TLK2: variants seen among roughly 807,000 people sequenced by gnomAD.
TLK2 encodes serine/threonine-protein kinase tousled-like 2.
TLK2 carries 6 observed loss-of-function variants against 117.3 expected under a neutral mutation model. The observed-to-expected ratio is 0.05, with a 90% CI of 0.03 to 0.10. The LOEUF (loss-of-function observed/expected upper bound fraction) is 0.10. Ranked by LOEUF, TLK2 falls within the 10% of genes least tolerant of loss-of-function variation. The pLI is 1.00. For synonymous variants in TLK2, 257 were observed against 316.7 expected (o/e 0.81, Z 2.00); for missense variants, 299 against 901.2 (o/e 0.33, Z 8.56).
At chr17:62,534,902 T>TTC (rs1344424266) in intron 6 of TLK2, among the ~76,000 whole-genome samples, 1 of 146,012 alleles carries the variant, frequency 6.8e-6, no homozygotes, top group Non-Finnish European at 1.5e-5. Flanking sequence ...TTTTTTTTTT[T>TTC]TTTGGAGATA....
chr17:62,476,373 G>A (rs541314077), upstream of TLK2, among the ~76,000 whole-genome samples: 1 of 151,952 alleles, frequency 6.6e-6, no homozygotes, highest in Admixed American at 6.5e-5. Flanking sequence ...CACGAGGTCA[G>A]GAGTTCGAGA....
At chr17:62,485,117 A>T (rs551284291) in intron 2 of TLK2, among the ~76,000 whole-genome samples, 1 of 152,238 alleles carries the variant, frequency 6.6e-6, no homozygotes, top group Admixed American at 6.5e-5. Flanking sequence ...CAGCCCCTGC[A>T]GCTCCAAATA....
intron 14 of TLK2, 77 bp downstream of exon 14, chr17:62,578,651 T>C (rs1005577383): frequency 6.2e-6 from 7 of 1,130,806 alleles, no homozygotes; most frequent in Non-Finnish European, 9.2e-6. Flanking sequence ...TAGAATAATG[T>C]GTTTGCTTAA....
chr17:62,532,534 C>T (rs1038472319), intron 6 of TLK2, among the ~76,000 whole-genome samples: 2 of 152,008 alleles, frequency 1.3e-5, no homozygotes, highest in Non-Finnish European at 2.9e-5. Flanking sequence ...GACATGAAAA[C>T]GTTAAAGAAC....
intron 2 of TLK2, among the ~76,000 whole-genome samples, chr17:62,496,966 A>G (rs1446356490): frequency 6.6e-6 from 1 of 151,566 alleles, no homozygotes; most frequent in Non-Finnish European, 1.5e-5. Flanking sequence ...CAAAAAAAAA[A>G]AAAAAAAAAA....
chr17:62,576,207 G>T (rs1237875837), intron 12 of TLK2, among the ~76,000 whole-genome samples: 2 of 152,198 alleles, frequency 1.3e-5, no homozygotes, highest in Non-Finnish European at 2.9e-5. Context: ...CTTGCGCAAG[G>T]TCACATGGCC....
At chr17:62,580,291 C>A in intron 15 of TLK2, 99 bp downstream of exon 15, 2 of 834,442 alleles carry the variant, frequency 2.4e-6, no homozygotes, top group South Asian at 2.6e-5. Flanking sequence ...GGTTGATATC[C>A]ATTGGTTGAA....
intron 2 of TLK2, among the ~76,000 whole-genome samples, chr17:62,503,186 A>G (rs190016291): frequency 6.9e-6 from 1 of 145,980 alleles, no homozygotes; most frequent in African/African-American, 2.6e-5. Context: ...CAGCCTCCCC[A>G]GCAGCTGGGA....
At chr17:62,603,477 C>T (rs1232075212) in intron 19 of TLK2, among the ~76,000 whole-genome samples, 2 of 151,888 alleles carry the variant, frequency 1.3e-5, no homozygotes, top group East Asian at 3.8e-4. Context: ...AGGTCTATAC[C>T]TCTGCTATAT....
chr17:62,590,950 G>T (rs2082030820), intron 16 of TLK2, among the ~76,000 whole-genome samples: 1 of 152,144 alleles, frequency 6.6e-6, no homozygotes. Flanking sequence ...GCTATTGTAT[G>T]ATTACTAATA....
intron 11 of TLK2, among the ~76,000 whole-genome samples, chr17:62,571,772 TGTC>T (rs2080311814): frequency 6.6e-6 from 1 of 152,182 alleles, no homozygotes; most frequent in Non-Finnish European, 1.5e-5. Context: ...GTTTTCTGCT[TGTC>T]GTTCTTCCAC....
In TLK2 at chr17:62,516,266, T is replaced by A. The variant is rs2075578326; in HGVS notation, c.82-4507T>A. On this transcript the variant is annotated intron_variant, in intron 2 of 21. Transcript: ENST00000346027. ...AAGAGTTGATTATAGTTTTAGTTCT[T>A]TTTTTTTTTTTTTTGGCTGTAAATT... 7.7e-5 allele frequency: 14 copies of A among 182,292 alleles called. No homozygotes were observed. The South Asian group carries it at 1.2e-3, about 15-fold the overall frequency. The allele number at this position is 182,292 out of a possible 1,614,324, so 11.3% of individuals were successfully genotyped here.
chr17:62,486,279 C>A (rs986323649), intron 2 of TLK2, among the ~76,000 whole-genome samples: 1 of 152,044 alleles, frequency 6.6e-6, no homozygotes, highest in Non-Finnish European at 1.5e-5. Flanking sequence ...GCCTCAGCCT[C>A]CCCAAGTAGC....
chr17:62,553,375 A>T, intron 8 of TLK2: 1 of 238,756 alleles, frequency 4.2e-6, no homozygotes. Context: ...TCATTTCTGG[A>T]GTAACGTGTT....
chr17:62,477,127 T>C (rs1157436809), upstream of TLK2, among the ~76,000 whole-genome samples: 2 of 152,146 alleles, frequency 1.3e-5, no homozygotes, highest in African/African-American at 2.4e-5. Flanking sequence ...ACAGTGTCAT[T>C]TGATGGAGTT....
intron 9 of TLK2, among the ~76,000 whole-genome samples, chr17:62,555,569 G>A (rs1387003668): frequency 1.4e-5 from 2 of 143,298 alleles, no homozygotes; most frequent in Non-Finnish European, 1.5e-5. Flanking sequence ...TGCAACCTCC[G>A]CCTCCTGGGG....
At chr17:62,504,598 G>A (rs2074504296) in intron 2 of TLK2, among the ~76,000 whole-genome samples, 1 of 152,094 alleles carries the variant, frequency 6.6e-6, no homozygotes, top group Admixed American at 6.6e-5. Context: ...GAGCCCAAGA[G>A]TTTGAGACCA....
intron 2 of TLK2, among the ~76,000 whole-genome samples, chr17:62,485,364 G>A (rs1356910298): frequency 6.6e-6 from 1 of 152,086 alleles, no homozygotes; most frequent in Admixed American, 6.6e-5. Context: ...TAACTTTCGA[G>A]TTTTTTCCAC....
rs556497987 is a variant in TLK2, at chr17:62,488,983, A to C, written c.81+7777A>C. Among the ~76,000 whole-genome samples the C allele has an allele frequency of 6.6e-5, 10 of 151,534 alleles. No individual in the cohort carries two copies. The East Asian group carries it at 1.7e-3, about 26-fold the overall frequency. Reference sequence around the variant, plus strand: ...TGGGCCTACAGGCACACACCACCACACTTGAATAATTTTTGTAGTTTTTCT... The same window carrying C: ...TGGGCCTACAGGCACACACCACCACCCTTGAATAATTTTTGTAGTTTTTCT... On this transcript the variant is annotated intron_variant, in intron 2 of 21. Transcript: ENST00000346027.
Sources: gnomAD v4.1 joint callset for allele counts (sites outside exome capture counted in the v4.1 genomes callset) on GRCh38, gnomAD v4.1.1 for gene constraint, MANE v1.5 for transcripts, NCBI Gene and HGNC (gene_info 2026-07-23, HGNC 2026-07-21) for gene names.